TARBP1: variants seen among roughly 807,000 people sequenced by gnomAD.
TARBP1 encodes the protein tRNA (guanosine(18)-2'-O)-methyltransferase TARBP1.
Under a neutral mutation model 178.6 loss-of-function variants are expected in TARBP1, and 144 were observed. The ratio of observed to expected loss-of-function variants is 0.81; its 90% CI spans 0.70 to 0.93. TARBP1 has a LOEUF of 0.93. Among genes scored for constraint, TARBP1 ranks in the 40% least tolerant of loss-of-function variants. The probability of loss-of-function intolerance (pLI) is 0.00; values close to 1 mark genes in which losing one functional copy is unlikely to be tolerated. For missense variants in TARBP1, 2,067 were observed against 2,011.7 expected, an observed-to-expected ratio of 1.03 and a Z score of -0.53; for synonymous variants, 787 against 781.0, an observed-to-expected ratio of 1.01 and a Z score of -0.13.
intron 12 of TARBP1, among the ~76,000 whole-genome samples, chr1:234,438,070 G>T (rs963806605): frequency 3.3e-5 from 5 of 152,160 alleles, no homozygotes; most frequent in African/African-American, 1.2e-4. Flanking sequence ...CATGGCAAAG[G>T]AGGTGAAGAC....
chr1:234,461,622 T>TA (rs1215685714), intron 6 of TARBP1, among the ~76,000 whole-genome samples: 2 of 152,164 alleles, frequency 1.3e-5, no homozygotes, highest in African/African-American at 4.8e-5. Context: ...AAGATAAAAT[T>TA]GTTTATGATT....
Position 234,478,879 on chromosome 1 carries a change from G to T in TARBP1, c.225C>A (p.Ser75Arg), listed in dbSNP as rs1004014848. 277 of 1,312,850 alleles carry T rather than the reference G, an allele frequency of 2.1e-4. 1 individual carries two copies. The African/African-American group carries it at 4.0e-3, about 19-fold the overall frequency. The allele number at this position is 1,312,850 out of a possible 1,614,324, so 81.3% of individuals were successfully genotyped here. A position where few individuals can be genotyped will look rare whatever the true frequency, so the allele number is the denominator to read the frequency against. ...AAGYLVPLLR[S>R]LRGRPAGGPD... Reference sequence around the variant, plus strand: ...GGCCGCCCGCGGGGCGTCCGCGCAGGCTCCGCAGCAGTGGCACGAGGTACC... The same window carrying T: ...GGCCGCCCGCGGGGCGTCCGCGCAGTCTCCGCAGCAGTGGCACGAGGTACC... Residue 75 changes from serine to arginine, a missense_variant, in exon 1 of 30, where the codon AGC becomes AGA. By Grantham distance (110) the Ser-to-Arg change is moderately radical. Transcript: ENST00000040877.
chr1:234,470,239 C>T (rs1315155444), intron 3 of TARBP1, among the ~76,000 whole-genome samples: 1 of 152,046 alleles, frequency 6.6e-6, no homozygotes, highest in Non-Finnish European at 1.5e-5. Flanking sequence ...TGCACTCCAG[C>T]CTGGGCAACA....
Position 234,427,770 on chromosome 1 carries a change from G to T in TARBP1, c.3061-4C>A. On this transcript the variant is annotated splice_region_variant and splice_polypyrimidine_tract_variant and intron_variant, in intron 17 of 29. Transcript: ENST00000040877. ...TTTCAATTATCTTGTACATAATCTG[G>T]AATAAAATACAACCGTCATTTTATC... is the stretch of plus-strand genomic sequence containing the variant. 2 of 1,394,470 alleles carry T rather than the reference G, an allele frequency of 1.4e-6. No homozygotes were observed. The highest frequency in any genetic ancestry group is 3.0e-5 in the African/African-American group (2 of 67,030). The allele number at this position is 1,394,470 out of a possible 1,614,324, so 86.4% of individuals were successfully genotyped here. A position where few individuals can be genotyped will look rare whatever the true frequency, so the allele number is the denominator to read the frequency against.
chr1:234,459,194 A>G (rs1448285385), intron 8 of TARBP1, 36 bp downstream of exon 8: 2 of 1,543,800 alleles, frequency 1.3e-6, no homozygotes, highest in Middle Eastern at 1.7e-4. Context: ...TCACTAAGAA[A>G]GACTTGTAAA....
intron 26 of TARBP1, 43 bp from the exon 27 acceptor site, chr1:234,393,880 G>A: frequency 2.8e-6 from 4 of 1,435,060 alleles, no homozygotes; most frequent in Non-Finnish European, 3.8e-6. Context: ...AAATAAATCT[G>A]AATCTCTATA....
intron 13 of TARBP1, among the ~76,000 whole-genome samples, chr1:234,434,822 G>C (rs1448383323): frequency 6.6e-6 from 1 of 152,078 alleles, no homozygotes; most frequent in Admixed American, 6.6e-5. Flanking sequence ...TTAGGGAGCA[G>C]AGAATGGACA....
intron 6 of TARBP1, among the ~76,000 whole-genome samples, chr1:234,463,584 T>C (rs571532639): frequency 6.6e-6 from 1 of 152,250 alleles, no homozygotes; most frequent in African/African-American, 2.4e-5. Context: ...AAACGATGGC[T>C]AAACTGCAGC....
chr1:234,439,128 T>A (rs564404974), intron 12 of TARBP1, among the ~76,000 whole-genome samples: 1 of 152,322 alleles, frequency 6.6e-6, no homozygotes, highest in South Asian at 2.1e-4. Flanking sequence ...TAAAAGAAGT[T>A]TTTTTGAACA....
At chr1:234,463,788 G>A (rs1400734085) in intron 6 of TARBP1, 49 bp downstream of exon 6, 13 of 1,081,900 alleles carry the variant, frequency 1.2e-5, no homozygotes, top group South Asian at 6.1e-5. Flanking sequence ...AAAAAAAAAA[G>A]AAACTGTAAG....
Position 234,478,408 on chromosome 1 carries a change from G to A in TARBP1, c.696C>T (p.Val232=), listed in dbSNP as rs1669786412. The A allele has an allele frequency of 2.2e-6, 3 of 1,377,600 alleles. No individual in the cohort carries two copies. Among genetic ancestry groups the A allele is most frequent in the African/African-American group, 1.5e-5 (1 of 65,908 alleles). 85.3% of individuals were successfully genotyped at this position (1,377,600 alleles called of 1,614,324 possible). A position where few individuals can be genotyped will look rare whatever the true frequency, so the allele number is the denominator to read the frequency against. The change falls in exon 1 of 30, where the codon GTC becomes GTT. Residue 232 remains valine, a synonymous_variant. Coordinates refer to ENST00000040877, the MANE Select transcript of TARBP1 (RefSeq NM_005646.4). ...ACAGCTTCTCGGCCAGGGCGCTCAG[G>A]ACCAGCAGCTTCTCCTCTACGCGGC... The part of the protein sequence containing the change: ...GSGRVEEKLL[V]LSALAEKLLP...
intron 3 of TARBP1, among the ~76,000 whole-genome samples, chr1:234,467,935 G>A (rs1415033572): frequency 6.6e-6 from 1 of 152,016 alleles, no homozygotes; most frequent in Non-Finnish European, 1.5e-5. Flanking sequence ...TGCAAACCAC[G>A]CCTAGACAAT....
chr1:234,416,195 T>A (rs1278350458), intron 22 of TARBP1, among the ~76,000 whole-genome samples: 1 of 152,066 alleles, frequency 6.6e-6, no homozygotes, highest in African/African-American at 2.4e-5. Flanking sequence ...CAAACTACAT[T>A]AATAAAGCTA....
chr1:234,456,360 C>T (rs1478189901), intron 9 of TARBP1, among the ~76,000 whole-genome samples: 1 of 152,200 alleles, frequency 6.6e-6, no homozygotes, highest in Non-Finnish European at 1.5e-5. Flanking sequence ...ACCACCATGC[C>T]CCGATAATTT....
intron 1 of TARBP1, among the ~76,000 whole-genome samples, chr1:234,474,059 T>C (rs1182813938): frequency 1.3e-5 from 2 of 151,904 alleles, no homozygotes; most frequent in South Asian, 2.1e-4. Context: ...TGGTACAACA[T>C]AGCAAGACCC....
At position 234,425,781 on chromosome 1, in the gene TARBP1, T is replaced by C. The variant is rs1663680625; in HGVS notation, c.3336A>G (p.Glu1112=). ...ANIVMENTKR[E]DHYVRICAVK... ...CAGCACAAATTCTCACATAATGGTC[T>C]TCTCTCTTAGTACTAAAAAAATTAA... Residue 1112 remains glutamate (E), a synonymous_variant, in exon 20 of 30, where the codon GAA becomes GAG. Coordinates refer to ENST00000040877, the MANE Select transcript of TARBP1 (RefSeq NM_005646.4). 5.0e-6 allele frequency: 8 copies of C among 1,584,938 alleles called. No individual in the cohort carries two copies. The highest frequency in any genetic ancestry group is 6.9e-6 in the Non-Finnish European group (8 of 1,157,540).
intron 28 of TARBP1, 199 bp from the exon 29 acceptor site, chr1:234,392,751 C>T (rs1001009939): frequency 5.2e-6 from 2 of 383,284 alleles, no homozygotes; most frequent in Non-Finnish European, 4.6e-6. Context: ...TGCTGTGTCA[C>T]CCAGGCTGGA....
rs1279000332 is a variant in TARBP1, at chr1:234,418,141, T to C, written c.3648A>G (p.Ile1216Met). The change falls in exon 22 of 30, where the codon ATA (isoleucine) becomes ATG (methionine). Residue 1216 changes from isoleucine to methionine, a missense_variant. Physicochemically the swap from Ile to Met is conservative, Grantham distance 10 (BLOSUM62 1). Coordinates refer to ENST00000040877, the MANE Select transcript of TARBP1 (RefSeq NM_005646.4). ...ATTGAGGGAATTTATGAAGAATCAA[T>C]ATAATAATCCATTCTATAAAATATT... ...SIKYFIEWII[I>M]LILHKFPQFL... 7.3e-6 allele frequency: 11 copies of C among 1,516,340 alleles called. No individual in the cohort carries two copies. Among genetic ancestry groups the C allele is most frequent in the Non-Finnish European group, 9.7e-6 (11 of 1,133,678 alleles). The allele number at this position is 1,516,340 out of a possible 1,614,324, so 93.9% of individuals were successfully genotyped here.
At chr1:234,415,071 T>G (rs1327530532) in intron 22 of TARBP1, among the ~76,000 whole-genome samples, 3 of 151,948 alleles carry the variant, frequency 2.0e-5, no homozygotes, top group African/African-American at 7.3e-5. Flanking sequence ...GATGAAATAG[T>G]AGAGAGCCAG....
Sources: allele counts gnomAD v4.1 joint callset (sites outside exome capture counted in the v4.1 genomes callset), GRCh38; gene constraint gnomAD v4.1.1; transcripts MANE v1.5; gene names NCBI Gene and HGNC (gene_info 2026-07-23, HGNC 2026-07-21).